UNC5C: variants seen among roughly 807,000 people sequenced by gnomAD.
The protein encoded by UNC5C is netrin receptor UNC5C.
Under a neutral mutation model 99.8 loss-of-function variants are expected in UNC5C, and 47 were observed. The observed-to-expected ratio is 0.47, with a 90% confidence interval of 0.37 to 0.60. UNC5C has a LOEUF of 0.60. UNC5C is among the 20% of genes least tolerant of loss of function. UNC5C has a pLI of 0.00. For missense variants in UNC5C, 1,062 were observed against 1,165.9 expected (o/e 0.91, Z 1.30); for synonymous variants, 487 against 452.2 (o/e 1.08, Z -0.98).
Position 95,278,340 on chromosome 4 carries a change from C to A in UNC5C, c.513G>T (p.Gln171His). 6.2e-7 allele frequency: 1 copy of A among 1,614,050 alleles called. No individual in the cohort carries two copies. The highest frequency in any genetic ancestry group is 8.5e-7 in the Non-Finnish European group (1 of 1,179,986). The change falls in exon 4 of 16, where the codon CAG becomes CAT. Residue 171 changes from glutamine to histidine, a missense_variant. Transcript: ENST00000453304. ...RIAYLRKTFE[Q>H]EPLGKEVSLE... ...AAGACACTTCCTTTCCTAGGGGTTC[C>A]TGCTCAAATGTCTTCCGTAGATCTG...
intron 2 of UNC5C, among the ~76,000 whole-genome samples, chr4:95,313,363 T>A (rs67681548): frequency 0.13 from 20,033 of 152,126 alleles, 1,503 homozygotes; most frequent in African/African-American, 0.19. Flanking sequence ...GAAGATTAAT[T>A]TGTCTCTATG....
intron 14 of UNC5C, among the ~76,000 whole-genome samples, chr4:95,177,805 G>C (rs190021014): frequency 1.5e-3 from 221 of 152,014 alleles, no homozygotes; most frequent in African/African-American, 4.8e-3. Context: ...GGGCTCAAGC[G>C]ATCCTCCCAC....
At chr4:95,236,423 G>T (rs183470842) in intron 7 of UNC5C, among the ~76,000 whole-genome samples, 1 of 148,996 alleles carries the variant, frequency 6.7e-6, no homozygotes, top group East Asian at 2.0e-4. Context: ...TCACACACCG[G>T]GGCCTGTTGA....
chr4:95,504,243 C>A (rs1236773256), intron 1 of UNC5C, among the ~76,000 whole-genome samples: 1 of 152,056 alleles, frequency 6.6e-6, no homozygotes, highest in Non-Finnish European at 1.5e-5. Context: ...TGTCTTTGAA[C>A]ACTTAGGGCT....
chr4:95,177,958 T>G (rs965994510), intron 14 of UNC5C, among the ~76,000 whole-genome samples: 1 of 151,962 alleles, frequency 6.6e-6, no homozygotes, highest in African/African-American at 2.4e-5. Context: ...TCCTCCTAGC[T>G]CAGCCTCCCA....
chr4:95,373,873 T>C (rs1044838090), intron 1 of UNC5C, among the ~76,000 whole-genome samples: 1 of 152,196 alleles, frequency 6.6e-6, no homozygotes, highest in Admixed American at 6.5e-5. Flanking sequence ...TCTTAGTTTG[T>C]TAAGCCATTC....
At chr4:95,219,491 TTGGCTGTAAGTAAG>T (rs1738387131) in intron 8 of UNC5C, among the ~76,000 whole-genome samples, 178 bp from the exon 9 acceptor site, 1 of 152,218 alleles carries the variant, frequency 6.6e-6, no homozygotes, top group Admixed American at 6.5e-5. Flanking sequence ...TCTTTTATTA[TTGGCTGTAAGTAAG>T]TGGTCAAGCT....
At chr4:95,519,681 A>C (rs1310595415) in intron 1 of UNC5C, among the ~76,000 whole-genome samples, 3 of 152,196 alleles carry the variant, frequency 2.0e-5, no homozygotes, top group African/African-American at 7.2e-5. Flanking sequence ...TGATGGAATT[A>C]ATTGGAAGAG....
intron 1 of UNC5C, among the ~76,000 whole-genome samples, chr4:95,361,576 C>T: frequency 6.6e-6 from 1 of 152,166 alleles, no homozygotes. Flanking sequence ...GTCTGTGACT[C>T]TCTAAAACAC....
chr4:95,409,408 C>T (rs980187851), intron 1 of UNC5C, among the ~76,000 whole-genome samples: 1 of 152,180 alleles, frequency 6.6e-6, no homozygotes, highest in African/African-American at 2.4e-5. Flanking sequence ...ACATTCTTAA[C>T]TCCAAATTCA....
At chr4:95,471,138 G>T (rs1747954970) in intron 1 of UNC5C, among the ~76,000 whole-genome samples, 1 of 151,938 alleles carries the variant, frequency 6.6e-6, no homozygotes, top group Non-Finnish European at 1.5e-5. Flanking sequence ...TATGAGGGCG[G>T]GGTGGGGGTG....
At chr4:95,541,666 A>G (rs1722924902) in intron 1 of UNC5C, among the ~76,000 whole-genome samples, 1 of 151,868 alleles carries the variant, frequency 6.6e-6, no homozygotes. Flanking sequence ...AAGTTTTTTT[A>G]ATTTTGAGAA....
intron 1 of UNC5C, among the ~76,000 whole-genome samples, 189 bp from the exon 2 acceptor site, chr4:95,335,820 A>T (rs1743316732): frequency 6.6e-6 from 1 of 151,970 alleles, no homozygotes; most frequent in Admixed American, 6.6e-5. Context: ...TCCCATTTCT[A>T]TACACAGCAA....
intron 1 of UNC5C, among the ~76,000 whole-genome samples, chr4:95,366,831 A>G (rs1315201563): frequency 6.6e-6 from 1 of 152,202 alleles, no homozygotes; most frequent in East Asian, 1.9e-4. Context: ...AAGAAAAATA[A>G]CTTTTCTTTG....
At chr4:95,410,202 C>A (rs982906677) in intron 1 of UNC5C, among the ~76,000 whole-genome samples, 2 of 152,140 alleles carry the variant, frequency 1.3e-5, no homozygotes, top group African/African-American at 4.8e-5. Context: ...AGAAGTTAGG[C>A]ACTGTTGTCC....
intron 12 of UNC5C, among the ~76,000 whole-genome samples, chr4:95,201,580 C>T (rs533443322): frequency 6.4e-4 from 98 of 152,166 alleles, no homozygotes; most frequent in African/African-American, 2.1e-3. Flanking sequence ...TCTAGGCTTA[C>T]CAGAAATAAT....
At chr4:95,374,758 G>T (rs1170082983) in intron 1 of UNC5C, among the ~76,000 whole-genome samples, 1 of 152,080 alleles carries the variant, frequency 6.6e-6, no homozygotes, top group African/African-American at 2.4e-5. Context: ...GTCTAAGTGA[G>T]GCATGGTCTG....
At chr4:95,245,190 G>T in intron 5 of UNC5C, 46 bp from the exon 6 acceptor site, 4 of 1,559,340 alleles carry the variant, frequency 2.6e-6, no homozygotes, top group Non-Finnish European at 3.5e-6. Context: ...ATGTGTGCAT[G>T]CACAACACAC....
At chr4:95,333,610 T>C (rs975554500) in intron 2 of UNC5C, among the ~76,000 whole-genome samples, 1 of 150,916 alleles carries the variant, frequency 6.6e-6, no homozygotes, top group Admixed American at 6.6e-5. Context: ...TTAGGAGATA[T>C]ACCTAATTCT....
Sources: gnomAD v4.1 joint callset for allele counts (sites outside exome capture counted in the v4.1 genomes callset) on GRCh38, gnomAD v4.1.1 for gene constraint, MANE v1.5 for transcripts, NCBI Gene and HGNC (gene_info 2026-07-23, HGNC 2026-07-21) for gene names.